The following LRP1B variants were observed in gnomAD, a reference collection of about 807,000 sequenced individuals.
LRP1B encodes low-density lipoprotein receptor-related protein 1B.
Under a neutral mutation model 556.6 loss-of-function variants are expected in LRP1B, and 217 were observed. The ratio of observed to expected loss-of-function variants is 0.39; its 90% CI spans 0.35 to 0.44. The LOEUF (loss-of-function observed/expected upper bound fraction) is 0.44. Among genes scored for constraint, LRP1B ranks in the 20% least tolerant of loss-of-function variants. LRP1B has a pLI of 1.00. For missense variants in LRP1B, 5,053 were observed against 5,620.8 expected (o/e 0.90, Z 3.23); for synonymous variants, 2,047 against 1,865.8 (o/e 1.10, Z -2.50).
intron 1 of LRP1B, among the ~76,000 whole-genome samples, chr2:142,075,484 T>C (rs1202307995): frequency 6.6e-6 from 1 of 152,124 alleles, no homozygotes; most frequent in Non-Finnish European, 1.5e-5. Flanking sequence ...ATACCTGATG[T>C]GGCTCAACTT....
intron 7 of LRP1B, among the ~76,000 whole-genome samples, chr2:141,168,090 A>G (rs1680343997): frequency 6.6e-6 from 1 of 152,126 alleles, no homozygotes; most frequent in Admixed American, 6.6e-5. Context: ...ATCAGGGTAT[A>G]TTAAGAAAAC....
At chr2:141,046,440 T>C (rs1698872053) in intron 11 of LRP1B, among the ~76,000 whole-genome samples, 1 of 152,176 alleles carries the variant, frequency 6.6e-6, no homozygotes, top group Non-Finnish European at 1.5e-5. Flanking sequence ...TTGTAATGTG[T>C]ATCATTATTC....
At chr2:141,057,208 T>C (rs1574029302) in intron 9 of LRP1B, among the ~76,000 whole-genome samples, 1 of 151,914 alleles carries the variant, frequency 6.6e-6, no homozygotes, top group African/African-American at 2.4e-5. Context: ...GTTTAATGCT[T>C]TCTAAGGACT....
rs551892676 is a variant in LRP1B at position 140,346,399 on chromosome 2, TC to T, written c.11892+4397del. 2.0e-3 allele frequency among the ~76,000 whole-genome samples: 306 copies of T among 151,880 alleles called. 3 individuals are homozygous for T. The highest frequency in any genetic ancestry group is 7.2e-3 in the African/African-American group (298 of 41,488). ...CTTGTTTAGTAAAATTTTGACTAGA[TC>T]ATAACTGTTAACATTATCACTTACC... On this transcript the variant is annotated intron_variant, in intron 77 of 90. Coordinates refer to ENST00000389484, the MANE Select transcript of LRP1B (RefSeq NM_018557.3).
intron 32 of LRP1B, among the ~76,000 whole-genome samples, chr2:140,776,505 TA>T (rs1431853275): frequency 6.7e-6 from 1 of 148,478 alleles, no homozygotes; most frequent in Admixed American, 6.8e-5. Flanking sequence ...TCTTATATTT[TA>T]CATAACATGT....
At chr2:141,348,961 G>C (rs1182635488) in intron 3 of LRP1B, among the ~76,000 whole-genome samples, 2 of 151,970 alleles carry the variant, frequency 1.3e-5, no homozygotes, top group African/African-American at 2.4e-5. Context: ...TGTATGATGT[G>C]ACTTGTTTCT....
intron 86 of LRP1B, among the ~76,000 whole-genome samples, chr2:140,258,868 CTT>C (rs2104921993): frequency 6.6e-6 from 1 of 152,216 alleles, no homozygotes; most frequent in African/African-American, 2.4e-5. Context: ...ATTGAAAAAT[CTT>C]TGTCTTCCTT....
intron 35 of LRP1B, among the ~76,000 whole-genome samples, chr2:140,740,522 T>C (rs1229696438): frequency 1.3e-5 from 2 of 152,034 alleles, no homozygotes. Flanking sequence ...GGATGGGACA[T>C]GGGCGAGGGA....
intron 1 of LRP1B, among the ~76,000 whole-genome samples, chr2:141,830,572 CTAAG>C (rs1170143348): frequency 1.3e-5 from 2 of 151,632 alleles, no homozygotes; most frequent in African/African-American, 2.4e-5. Context: ...ACAAATAAAA[CTAAG>C]TGTTTCTTTT....
At chr2:140,601,364 T>C in intron 42 of LRP1B, 86 bp downstream of exon 42, 1 of 1,136,418 alleles carries the variant, frequency 8.8e-7, no homozygotes, top group Non-Finnish European at 1.2e-6. Flanking sequence ...ACTTTATTTT[T>C]AAAGTTAATT....
chr2:140,389,029 C>G (rs958831128), intron 66 of LRP1B, among the ~76,000 whole-genome samples: 1 of 152,076 alleles, frequency 6.6e-6, no homozygotes, highest in Non-Finnish European at 1.5e-5. Context: ...ATATAAAACG[C>G]TCACAATATG....
chr2:141,457,624 G>T (rs1681683077), intron 3 of LRP1B, among the ~76,000 whole-genome samples: 1 of 136,224 alleles, frequency 7.3e-6, no homozygotes, highest in African/African-American at 2.7e-5. Context: ...GATGAGTTCA[G>T]ATTTGGTTCA....
rs193283689 is a variant in LRP1B, at chr2:140,335,394, T to C, written c.12116+221A>G. On this transcript the variant is annotated intron_variant, in intron 78 of 90. Coordinates refer to ENST00000389484, the MANE Select transcript of LRP1B (RefSeq NM_018557.3). ...AGACACACATACAGACACACAGGCA[T>C]ACTGAATGCATAATACAGGAATATT... is the stretch of plus-strand genomic sequence containing the variant. Among the ~76,000 whole-genome samples, 11 of 152,038 alleles carry C rather than the reference T, an allele frequency of 7.2e-5. No homozygotes were observed. In the East Asian group the frequency reaches 2.1e-3, roughly 30 times the overall value.
At chr2:142,100,391 G>C (rs1420844976) in intron 1 of LRP1B, among the ~76,000 whole-genome samples, 2 of 151,950 alleles carry the variant, frequency 1.3e-5, no homozygotes, top group African/African-American at 4.8e-5. Context: ...CCAACATCCA[G>C]AGTCAGTTCC....
At chr2:141,307,966 G>C (rs887845928) in intron 3 of LRP1B, among the ~76,000 whole-genome samples, 4 of 152,104 alleles carry the variant, frequency 2.6e-5, no homozygotes, top group Non-Finnish European at 4.4e-5. Flanking sequence ...TGGCTGTGAT[G>C]GGCTGGGTAA....
intron 1 of LRP1B, among the ~76,000 whole-genome samples, chr2:142,014,026 T>C (rs1703038843): frequency 6.6e-6 from 1 of 152,168 alleles, no homozygotes; most frequent in Non-Finnish European, 1.5e-5. Flanking sequence ...TATATAGTAA[T>C]TAAGAAAATT....
chr2:140,990,196 C>CA (rs5834795), intron 16 of LRP1B, among the ~76,000 whole-genome samples: 63,697 of 151,096 alleles, frequency 0.42, 14,199 homozygotes, highest in East Asian at 0.6. Context: ...AACTCCATCT[C>CA]AAAAAAAATA....
At chr2:140,865,905 A>C (rs1692935034) in intron 27 of LRP1B, among the ~76,000 whole-genome samples, 1 of 152,112 alleles carries the variant, frequency 6.6e-6, no homozygotes, top group Non-Finnish European at 1.5e-5. Context: ...ATATGCATAA[A>C]TATCAGGAAA....
chr2:141,560,052 T>A (rs1396726036), intron 2 of LRP1B, among the ~76,000 whole-genome samples: 1 of 151,672 alleles, frequency 6.6e-6, no homozygotes, highest in African/African-American at 2.4e-5. Context: ...ACCTGCCTTC[T>A]TAATTGCTTT....
Sources: gnomAD v4.1 joint callset for allele counts (sites outside exome capture counted in the v4.1 genomes callset) on GRCh38, gnomAD v4.1.1 for gene constraint, MANE v1.5 for transcripts, NCBI Gene and HGNC (gene_info 2026-07-23, HGNC 2026-07-21) for gene names.